GLB1: variants seen among roughly 807,000 people sequenced by gnomAD.
GLB1 encodes beta-galactosidase.
A neutral mutation model predicts 74.0 loss-of-function variants in GLB1; 56 were observed. The ratio of observed to expected loss-of-function variants is 0.76; its 90% CI spans 0.61 to 0.94. The LOEUF (loss-of-function observed/expected upper bound fraction) is 0.94, where lower values mean the gene tolerates loss of function less well. Ranked by LOEUF, GLB1 falls within the 40% of genes least tolerant of loss-of-function variation. The probability of loss-of-function intolerance (pLI) is 0.00; values close to 1 mark genes in which losing one functional copy is unlikely to be tolerated. For synonymous variants in GLB1, 323 were observed against 323.6 expected, an observed-to-expected ratio of 1.00 and a Z score of 0.02; for missense variants, 787 against 845.5, an observed-to-expected ratio of 0.93 and a Z score of 0.86.
intron 10 of GLB1, among the ~76,000 whole-genome samples, chr3:33,024,662 C>G (rs1016308115): frequency 6.6e-6 from 1 of 152,282 alleles, no homozygotes; most frequent in Middle Eastern, 3.4e-3. Flanking sequence ...GTGACAGACT[C>G]TGAAGGGAGA....
intron 14 of GLB1, among the ~76,000 whole-genome samples, chr3:33,014,976 A>G (rs1697182391): frequency 1.3e-5 from 2 of 152,112 alleles, no homozygotes; most frequent in South Asian, 4.1e-4. Flanking sequence ...CAAAACAAAA[A>G]GGGATCCAGT....
rs926325451 is a variant in GLB1, at chr3:33,024,367, G to A, written c.1069-42C>T. The A allele has an allele frequency of 3.8e-6, 6 of 1,578,522 alleles. No homozygotes were observed. In the South Asian group the frequency reaches 4.6e-5, roughly 12 times the overall value. On this transcript the variant is annotated intron_variant, in intron 10 of 15. Transcript: ENST00000307363. ...AAAAAGAGAGAAAAGAAAAAAAGTT[G>A]GTAAACCTTCAGAAACATATTCATA...
intron 10 of GLB1, chr3:33,030,401 AAG>A: frequency 1.4e-6 from 1 of 737,500 alleles, no homozygotes; most frequent in African/African-American, 1.9e-5. Flanking sequence ...CCAGTACTAC[AAG>A]AGAGCAGGTG....
chr3:33,006,816 C>T (rs904283731), intron 15 of GLB1, among the ~76,000 whole-genome samples: 1 of 152,168 alleles, frequency 6.6e-6, no homozygotes, highest in Non-Finnish European at 1.5e-5. Context: ...ATAGGAAGAG[C>T]ATAGAGTCCT....
intron 15 of GLB1, among the ~76,000 whole-genome samples, chr3:33,012,605 A>G (rs931566326): frequency 3.3e-5 from 5 of 152,124 alleles, no homozygotes; most frequent in Non-Finnish European, 7.4e-5. Context: ...CACCCAGCTT[A>G]TGGTATTTTG....
rs1228474368 is a variant in GLB1 at position 33,022,564 on chromosome 3, A to T, written c.1144-909T>A. ...TTCCATGACTATAATACTGGTTAGG[A>T]TTTTTTTTTTTTTTTTTTTGAGAGA... On this transcript the variant is annotated intron_variant, in intron 11 of 15. Transcript: ENST00000307363. Among the ~76,000 whole-genome samples, 344 of 63,726 alleles carry T rather than the reference A, an allele frequency of 5.4e-3. 1 individual carries two copies. Among genetic ancestry groups the T allele is most frequent in the South Asian group, 0.015 (13 of 890 alleles). The allele number at this position is 63,726 out of a possible 152,430, so 41.8% of individuals were successfully genotyped here. A position where few individuals can be genotyped will look rare whatever the true frequency, so the allele number is the denominator to read the frequency against.
chr3:33,021,567 T>G lies in GLB1; in HGVS notation c.1232A>C (p.Gln411Pro). The change falls in exon 12 of 16, where the codon CAG becomes CCG. Residue 411 changes from glutamine to proline, a missense_variant and splice_region_variant. By Grantham distance (76) the Gln-to-Pro change is moderately conservative. Transcript: ENST00000307363. ...GAGGCATTACCTTTGAAGGCCTACC[T>G]GTTTCACCTGGATAAATGTCAAGGG... ...LYPLTFIQVK[Q>P]HYGFVLYRTT... 1 of 1,613,732 alleles carries G rather than the reference T, an allele frequency of 6.2e-7. No individual in the cohort carries two copies. Among genetic ancestry groups the G allele is most frequent in the Non-Finnish European group, 8.5e-7 (1 of 1,179,870 alleles).
At chr3:33,003,990 G>A (rs983886526) in intron 15 of GLB1, among the ~76,000 whole-genome samples, 5 of 151,846 alleles carry the variant, frequency 3.3e-5, no homozygotes, top group African/African-American at 7.3e-5. Flanking sequence ...AGATCGTGTC[G>A]CTGCACTCCA....
At chr3:32,979,915 G>T in the GLB1 span, among the ~76,000 whole-genome samples, 2 of 148,524 alleles carry the variant, frequency 1.3e-5, no homozygotes, top group African/African-American at 2.5e-5. Context: ...TTTTTTCTCT[G>T]AAAAAAATTA....
rs144055554 is a variant in GLB1 at position 33,055,459 on chromosome 3, TC to T, written c.734-1911del. On this transcript the variant is annotated intron_variant, in intron 6 of 15. Coordinates refer to ENST00000307363, the MANE Select transcript of GLB1 (RefSeq NM_000404.4). ...TGTGGTTTTTGTCATGGTTTTCTTT[TC>T]TTTTTTTTTTTTTTTTTTGAGATGG... 3.7e-3 allele frequency among the ~76,000 whole-genome samples: 372 copies of T among 100,448 alleles called. 6 individuals are homozygous for T. The highest frequency in any genetic ancestry group is 0.024 in the East Asian group (30 of 1,246). 65.9% of individuals were successfully genotyped at this position (100,448 alleles called of 152,430 possible).
chr3:33,052,143 C>T, intron 7 of GLB1, 139 bp from the exon 8 acceptor site: 2 of 1,432,022 alleles, frequency 1.4e-6, no homozygotes, highest in Admixed American at 2.0e-5. Flanking sequence ...GAGACGCCCC[C>T]CAGTGAGCAC....
intron 1 of GLB1, among the ~76,000 whole-genome samples, chr3:33,073,253 T>C (rs536977962): frequency 3.0e-4 from 46 of 152,300 alleles, no homozygotes; most frequent in African/African-American, 1.1e-3. Flanking sequence ...TCTCTAACCC[T>C]ACCTCTCTTC....
chr3:33,000,511 G>A (rs918602713), intron 15 of GLB1, among the ~76,000 whole-genome samples: 2 of 152,158 alleles, frequency 1.3e-5, no homozygotes, highest in African/African-American at 4.8e-5. Flanking sequence ...CAAATCACTT[G>A]GGGTCAGGAG....
At chr3:32,995,642 G>T (rs187641795), downstream of GLB1, among the ~76,000 whole-genome samples, 40 of 151,742 alleles carry the variant, frequency 2.6e-4, no homozygotes, top group African/African-American at 9.4e-4. Context: ...AAACATTACA[G>T]ATTGACATAA....
chr3:33,062,244 C>T lies in GLB1; in HGVS notation c.552+3219G>A, dbSNP rs185697432. Among the ~76,000 whole-genome samples the T allele has an allele frequency of 3.3e-5, 5 of 152,140 alleles. No individual in the cohort carries two copies. In the East Asian group the frequency reaches 7.8e-4, roughly 24 times the overall value. On this transcript the variant is annotated intron_variant, in intron 5 of 15. Coordinates refer to ENST00000307363, the MANE Select transcript of GLB1 (RefSeq NM_000404.4). ...AGTGAGTGGTGTGATCACGGCTCAC[C>T]ACAGCCCCAACCTCCCAGGCTCAAG...
intron 9 of GLB1, among the ~76,000 whole-genome samples, chr3:33,051,403 C>G (rs957515340): frequency 6.6e-6 from 1 of 151,126 alleles, no homozygotes; most frequent in Non-Finnish European, 1.5e-5. Context: ...TCAAGACCAG[C>G]CTGGCCAACA....
the GLB1 span, among the ~76,000 whole-genome samples, chr3:32,986,543 G>A: frequency 1.2e-3 from 188 of 151,680 alleles, 1 homozygote; most frequent in African/African-American, 4.1e-3. Flanking sequence ...CTATGTCGCC[G>A]TGAATGGTCT....
At chr3:32,995,844 C>CAA (rs71070110), downstream of GLB1, among the ~76,000 whole-genome samples, 328 of 124,248 alleles carry the variant, frequency 2.6e-3, 1 homozygote, top group African/African-American at 8.1e-3. Flanking sequence ...GACCCAGCCT[C>CAA]AAAAAAAAAA....
Position 33,014,180 on chromosome 3 carries a change from T to G in GLB1, c.1610A>C (p.Glu537Ala), listed in dbSNP as rs530659245. The G allele has an allele frequency of 6.2e-7, 1 of 1,614,056 alleles. No individual in the cohort carries two copies. The highest frequency in any genetic ancestry group is 1.3e-5 in the African/African-American group (1 of 75,000). The change falls in exon 15 of 16, where the codon GAA (glutamate) becomes GCA (alanine). Residue 537 changes from glutamate (E) to alanine (A), a missense_variant. Coordinates refer to ENST00000307363, the MANE Select transcript of GLB1 (RefSeq NM_000404.4). ...WGHRDSGHHD[E>A]AWAHNSSNYT... ...GTTGGATGAGTTGTGGGCCCAGGCT[T>G]CATCATGGTGGCCACTGTCACGGTG...
Sources: gnomAD v4.1 joint callset for allele counts (sites outside exome capture counted in the v4.1 genomes callset) on GRCh38, gnomAD v4.1.1 for gene constraint, MANE v1.5 for transcripts, NCBI Gene and HGNC (gene_info 2026-07-23, HGNC 2026-07-21) for gene names.